The following ST7 variants were observed in gnomAD, a reference collection of about 807,000 sequenced individuals.
The protein encoded by ST7 is suppressor of tumorigenicity 7 protein.
In ST7, 28 loss-of-function variants were observed where a neutral mutation model predicts 78.7. The ratio of observed to expected loss-of-function variants is 0.36; its 90% CI spans 0.26 to 0.49. The LOEUF is 0.49. Among genes scored for constraint, ST7 ranks in the 20% least tolerant of loss-of-function variants. ST7 has a pLI of 0.99. For missense variants in ST7, 418 were observed against 696.0 expected (o/e 0.60, Z 4.49); for synonymous variants, 247 against 249.6 (o/e 0.99, Z 0.10).
intron 1 of ST7, among the ~76,000 whole-genome samples, chr7:117,016,433 A>G (rs1795619891): frequency 6.6e-6 from 1 of 152,180 alleles, no homozygotes; most frequent in Non-Finnish European, 1.5e-5. Context: ...TCCTCCCACA[A>G]AGAACACCAT....
chr7:117,139,180 G>A (rs1341415255), intron 9 of ST7, among the ~76,000 whole-genome samples: 1 of 152,144 alleles, frequency 6.6e-6, no homozygotes, highest in Non-Finnish European at 1.5e-5. Flanking sequence ...GGTTTTAAGG[G>A]AAACCAGTTG....
chr7:117,147,891 AGC>A (rs369632259), intron 9 of ST7, among the ~76,000 whole-genome samples: 16,736 of 152,062 alleles, frequency 0.11, 1,020 homozygotes, highest in Non-Finnish European at 0.14. Flanking sequence ...ATGCTTAGAA[AGC>A]ATACATCATA....
chr7:117,114,910 T>C (rs1195493743), intron 2 of ST7, among the ~76,000 whole-genome samples: 1 of 152,206 alleles, frequency 6.6e-6, no homozygotes, highest in East Asian at 1.9e-4. Context: ...AGTTTGAAGC[T>C]TAGGCCAGCT....
chr7:117,138,247 A>C (rs1804959072), intron 8 of ST7, among the ~76,000 whole-genome samples, 188 bp from the exon 9 acceptor site: 1 of 152,112 alleles, frequency 6.6e-6, no homozygotes, highest in Admixed American at 6.6e-5. Flanking sequence ...CCTCACTCAA[A>C]AGCATGGATT....
rs35792944 is a variant in ST7, at chr7:117,059,807, C to CAAAA, written c.152-39932_152-39929dup. The stretch of plus-strand genomic sequence containing the variant: ...GCTACTTAGTAAGACTTCATCTCTG[C>CAAAA]AAAAAAAAAAAAAAAAAAAAAAAAA... On this transcript the variant is annotated intron_variant, in intron 1 of 15. Coordinates refer to ENST00000323984, the MANE Select transcript of ST7 (RefSeq NM_001369598.1). Among the ~76,000 whole-genome samples the CAAAA allele has an allele frequency of 5.7e-3, 183 of 31,974 alleles. 4 individuals are homozygous for CAAAA. Among genetic ancestry groups the CAAAA allele is most frequent in the African/African-American group, 0.018 (171 of 9,490 alleles). 21.0% of individuals were successfully genotyped at this position (31,974 alleles called of 152,430 possible).
intron 1 of ST7, among the ~76,000 whole-genome samples, chr7:117,009,413 A>T (rs1209908052): frequency 6.6e-6 from 1 of 152,028 alleles, no homozygotes; most frequent in Admixed American, 6.6e-5. Context: ...TGCCTAAAGA[A>T]GCTTTTCTAC....
chr7:117,090,029 G>A (rs1242568273), intron 1 of ST7, among the ~76,000 whole-genome samples: 1 of 152,144 alleles, frequency 6.6e-6, no homozygotes, highest in Non-Finnish European at 1.5e-5. Flanking sequence ...AGATTCCGTT[G>A]TGAAATTGTT....
rs561212918 is a variant in ST7 at position 117,137,432 on chromosome 7, T to G, written c.866-1003T>G. Reference sequence around the variant, plus strand: ...GTAAATGTGTATTTTGTGAACTAAATGGAAATCAATACATAAAATTACATA... The same window carrying G: ...GTAAATGTGTATTTTGTGAACTAAAGGGAAATCAATACATAAAATTACATA... On this transcript the variant is annotated intron_variant, in intron 8 of 15. Coordinates refer to ENST00000323984, the MANE Select transcript of ST7 (RefSeq NM_001369598.1). 1.4e-4 allele frequency: 21 copies of G among 152,296 alleles called. No individual in the cohort carries two copies. In the South Asian group the frequency reaches 3.7e-3, roughly 27 times the overall value. The allele number at this position is 152,296 out of a possible 1,614,324, so 9.4% of individuals were successfully genotyped here. A position where few individuals can be genotyped will look rare whatever the true frequency, so the allele number is the denominator to read the frequency against.
chr7:117,108,571 A>G (rs904471046), intron 2 of ST7, among the ~76,000 whole-genome samples: 1 of 152,106 alleles, frequency 6.6e-6, no homozygotes, highest in African/African-American at 2.4e-5. Context: ...TTGGCTATGC[A>G]GGCTCTTTTT....
At chr7:117,099,291 A>T (rs1267182002) in intron 1 of ST7, among the ~76,000 whole-genome samples, 1 of 152,042 alleles carries the variant, frequency 6.6e-6, no homozygotes, top group Non-Finnish European at 1.5e-5. Flanking sequence ...GGGTAACCAT[A>T]GTATAATAAT....
At chr7:117,099,463 A>G (rs1190502287) in intron 1 of ST7, among the ~76,000 whole-genome samples, 2 of 152,194 alleles carry the variant, frequency 1.3e-5, no homozygotes, top group African/African-American at 2.4e-5. Context: ...ACTTTGATTA[A>G]ACTCTTCCAT....
intron 1 of ST7, among the ~76,000 whole-genome samples, chr7:117,010,191 G>C (rs902820399): frequency 6.6e-6 from 1 of 152,212 alleles, no homozygotes; most frequent in Admixed American, 6.5e-5. Flanking sequence ...AGAATGTGGA[G>C]CACTGGTCTG....
At chr7:117,152,887 G>A (rs75897315) in intron 9 of ST7, among the ~76,000 whole-genome samples, 1 of 152,298 alleles carries the variant, frequency 6.6e-6, no homozygotes, top group East Asian at 1.9e-4. Context: ...CAGAGAGAGA[G>A]AGAGGGAAAT....
At chr7:117,225,812 A>G (rs917917193) in intron 15 of ST7, among the ~76,000 whole-genome samples, 11 of 152,174 alleles carry the variant, frequency 7.2e-5, no homozygotes, top group Non-Finnish European at 1.5e-4. Flanking sequence ...TGCAGTCCAT[A>G]AGGAAGCCCA....
chr7:116,999,335 C>T (rs1794817045), intron 1 of ST7, among the ~76,000 whole-genome samples: 1 of 152,150 alleles, frequency 6.6e-6, no homozygotes, highest in African/African-American at 2.4e-5. Flanking sequence ...TTATTAAATA[C>T]TTTTTCAGGA....
chr7:117,062,510 C>G (rs1463838646), intron 1 of ST7, among the ~76,000 whole-genome samples: 2 of 152,140 alleles, frequency 1.3e-5, no homozygotes, highest in African/African-American at 2.4e-5. Context: ...TCGTAGTAGT[C>G]TATGGAATTT....
At chr7:117,031,241 T>C (rs1796459057) in intron 1 of ST7, among the ~76,000 whole-genome samples, 1 of 151,634 alleles carries the variant, frequency 6.6e-6, no homozygotes, top group African/African-American at 2.4e-5. Context: ...CACAAAAAAC[T>C]TTTGGGTACT....
chr7:117,111,665 A>C (rs1802441881), intron 2 of ST7, among the ~76,000 whole-genome samples: 1 of 152,120 alleles, frequency 6.6e-6, no homozygotes, highest in Non-Finnish European at 1.5e-5. Context: ...TCCCTTGCTT[A>C]ATTTCAAGAT....
intron 1 of ST7, among the ~76,000 whole-genome samples, chr7:117,083,434 T>C (rs1748794486): frequency 6.6e-6 from 1 of 151,938 alleles, no homozygotes; most frequent in African/African-American, 2.4e-5. Flanking sequence ...TTTTTTGTAT[T>C]TTTAGTAGGG....
Sources: gnomAD v4.1 joint callset for allele counts (sites outside exome capture counted in the v4.1 genomes callset) on GRCh38, gnomAD v4.1.1 for gene constraint, MANE v1.5 for transcripts, NCBI Gene and HGNC (gene_info 2026-07-23, HGNC 2026-07-21) for gene names.